The following TM6SF1 variants were observed in gnomAD, a reference collection of about 807,000 sequenced individuals.
The protein encoded by TM6SF1 is transmembrane 6 superfamily member 1.
A neutral mutation model predicts 47.1 loss-of-function variants in TM6SF1; 43 were observed. The ratio of observed to expected loss-of-function variants is 0.91; its 90% confidence interval spans 0.72 to 1.18. The LOEUF (loss-of-function observed/expected upper bound fraction) is 1.18. Among genes scored for constraint, TM6SF1 ranks in the 50% most tolerant of loss-of-function variants. The pLI, the probability that TM6SF1 is intolerant of heterozygous loss-of-function variation, is 0.00. For synonymous variants in TM6SF1, 177 were observed against 166.3 expected, an observed-to-expected ratio of 1.06 and a Z score of -0.49; for missense variants, 390 against 449.0, an observed-to-expected ratio of 0.87 and a Z score of 1.19.
At position 83,127,424 on chromosome 15, in the gene TM6SF1, G is replaced by A. The variant is rs1329895310; in HGVS notation, c.868G>A (p.Gly290Arg). The change falls in exon 9 of 10, where the codon GGA becomes AGA. Residue 290 changes from glycine to arginine, a missense_variant. Physicochemically the swap from Gly to Arg is moderately radical, Grantham distance 125 (BLOSUM62 -2). Coordinates refer to ENST00000322019, the MANE Select transcript of TM6SF1 (RefSeq NM_023003.5). ...TGCACTGTATGGCTTAGTGGTTCCT[G>A]GATGTTCCTGGATGCCTGACATCAC... ...VTALYGLVVP[G>R]CSWMPDITLI... The A allele has an allele frequency of 3.7e-6, 6 of 1,613,844 alleles. No individual in the cohort carries two copies. The highest frequency in any genetic ancestry group is 2.7e-5 in the African/African-American group (2 of 74,878).
chr15:83,129,450 C>T (rs2036049604), intron 9 of TM6SF1: 2 of 152,250 alleles, frequency 1.3e-5, no homozygotes, highest in Non-Finnish European at 1.5e-5. Flanking sequence ...GAATAAACAG[C>T]ACAATGGACA....
At position 83,117,411 on chromosome 15, in the gene TM6SF1, G is replaced by A. The variant is rs147940226; in HGVS notation, c.294+1469G>A. Among the ~76,000 whole-genome samples, 13 of 152,236 alleles carry A rather than the reference G, an allele frequency of 8.5e-5. No individual in the cohort carries two copies. In the East Asian group the frequency reaches 2.5e-3, roughly 29 times the overall value. ...GTACCTGAATGTCTGAGAGGAGAAG[G>A]GCTTGCCTATGAGAAGGTAGAGAGA... On this transcript the variant is annotated intron_variant, in intron 3 of 9. Coordinates refer to ENST00000322019, the MANE Select transcript of TM6SF1 (RefSeq NM_023003.5).
intron 7 of TM6SF1, among the ~76,000 whole-genome samples, chr15:83,126,080 A>G (rs914437353): frequency 1.3e-5 from 2 of 152,154 alleles, no homozygotes; most frequent in African/African-American, 4.8e-5. Context: ...AAATGTGTGC[A>G]TGTGTGGGGG....
intron 4 of TM6SF1, 200 bp downstream of exon 4, chr15:83,119,881 CA>C: frequency 2.9e-6 from 2 of 690,152 alleles, no homozygotes; most frequent in Non-Finnish European, 2.3e-6. Context: ...TGCTCCCTAG[CA>C]TGGTGACAGC....
intron 9 of TM6SF1, chr15:83,134,892 G>C (rs2036510038): frequency 6.6e-6 from 1 of 152,228 alleles, no homozygotes; most frequent in African/African-American, 2.4e-5. Context: ...AGAGTTCCTA[G>C]AATGTCCAGA....
chr15:83,119,937 A>C (rs2035064277), intron 4 of TM6SF1: 1 of 391,320 alleles, frequency 2.6e-6, no homozygotes, highest in African/African-American at 2.0e-5. Context: ...TCTTACAAGA[A>C]TAATTTTTAT....
intron 8 of TM6SF1, 116 bp from the exon 9 acceptor site, chr15:83,127,242 T>A (rs2035853893): frequency 1.9e-6 from 2 of 1,046,578 alleles, no homozygotes; most frequent in South Asian, 2.4e-5. Flanking sequence ...AAGAGTCCCA[T>A]ATAGGAAATA....
chr15:83,125,916 T>TA (rs2035709916), intron 7 of TM6SF1, among the ~76,000 whole-genome samples: 1 of 152,194 alleles, frequency 6.6e-6, no homozygotes, highest in African/African-American at 2.4e-5. Flanking sequence ...GGAAGAGAAG[T>TA]AAAGAAGGCA....
chr15:83,126,886 A>G (rs1279508748), intron 8 of TM6SF1, 39 bp downstream of exon 8: 1 of 1,541,950 alleles, frequency 6.5e-7, no homozygotes, highest in East Asian at 2.3e-5. Context: ...TCTAAAATTA[A>G]TTTTCTTTTT....
In TM6SF1 at chr15:83,136,628, C is replaced by T. The variant is rs1192466826; in HGVS notation, c.1069C>T (p.Pro357Ser). ...QLLAYRCIYK[P>S]EFFIKTKAEE... ...CTTGGCCTATCGTTGTATCTACAAA[C>T]CAGAGTTCTTCATAAAAACAAAGGC... Residue 357 changes from proline (P) to serine (S), a missense_variant, in exon 10 of 10, where the codon CCA becomes TCA. By Grantham distance (74) the Pro-to-Ser change is moderately conservative (BLOSUM62 -1). Transcript: ENST00000322019. 4 of 1,607,260 alleles carry T rather than the reference C, an allele frequency of 2.5e-6. No individual in the cohort carries two copies. In the East Asian group the frequency reaches 8.9e-5, roughly 36 times the overall value.
intron 3 of TM6SF1, among the ~76,000 whole-genome samples, chr15:83,117,027 TGA>T (rs2151347843): frequency 6.6e-6 from 1 of 152,188 alleles, no homozygotes; most frequent in East Asian, 1.9e-4. Context: ...CCAGGCACAG[TGA>T]GAGACTCACT....
rs866419524 is a variant in TM6SF1, at chr15:83,136,367, G to A, written c.922-114G>A. ...GTTTGAAGGTATTTTGCCTGCAGGTGAGACTGGTTTTGAGGGCACAGAAAC... is the reference window on the plus strand; with the variant it reads ...GTTTGAAGGTATTTTGCCTGCAGGTAAGACTGGTTTTGAGGGCACAGAAAC... On this transcript the variant is annotated intron_variant, in intron 9 of 9. Coordinates refer to ENST00000322019, the MANE Select transcript of TM6SF1 (RefSeq NM_023003.5). The A allele has an allele frequency of 2.7e-5, 21 of 782,040 alleles. No individual in the cohort carries two copies. In the Admixed American group the frequency reaches 4.0e-4, roughly 15 times the overall value. The allele number at this position is 782,040 out of a possible 1,614,324, so 48.4% of individuals were successfully genotyped here. A position where few individuals can be genotyped will look rare whatever the true frequency, so the allele number is the denominator to read the frequency against.
chr15:83,133,213 C>T (rs2036373703), intron 9 of TM6SF1: 1 of 152,198 alleles, frequency 6.6e-6, no homozygotes, highest in South Asian at 2.1e-4. Flanking sequence ...GCTCAGAAAA[C>T]TCTAAGAAAA....
At chr15:83,120,585 TTC>T (rs1325252976) in intron 4 of TM6SF1, among the ~76,000 whole-genome samples, 5 of 150,544 alleles carry the variant, frequency 3.3e-5, no homozygotes, top group East Asian at 3.9e-4. Context: ...CTCCAGCTAA[TTC>T]TTTTTTTTTT....
In TM6SF1 at chr15:83,107,903, G is replaced by A. The variant is rs573937991; in HGVS notation, c.92+131G>A. 31 of 1,311,530 alleles carry A rather than the reference G, an allele frequency of 2.4e-5. No homozygotes were observed. In the Admixed American group the frequency reaches 6.5e-4, roughly 27 times the overall value. The allele number at this position is 1,311,530 out of a possible 1,614,324, so 81.2% of individuals were successfully genotyped here. ...GGGACAGAGGTTCGTGGCCGCAGGG[G>A]CTCCCCGCGCCTGGCCAGACTAGGG... On this transcript the variant is annotated intron_variant, in intron 1 of 9. Coordinates refer to ENST00000322019, the MANE Select transcript of TM6SF1 (RefSeq NM_023003.5). The surrounding 1 kb of genome is among the most constrained non-coding windows in gnomAD (Gnocchi z 5.6).
At chr15:83,118,961 C>G (rs1703558880) in intron 3 of TM6SF1, among the ~76,000 whole-genome samples, 1 of 152,124 alleles carries the variant, frequency 6.6e-6, no homozygotes, top group African/African-American at 2.4e-5. Context: ...GCTACGTGAC[C>G]TTAGGAAAGT....
intron 4 of TM6SF1, chr15:83,120,023 G>A (rs764447233): frequency 3.3e-5 from 8 of 240,514 alleles, no homozygotes; most frequent in South Asian, 6.0e-5. Context: ...ATCTCATTTC[G>A]GTTCAAAGCT....
chr15:83,135,433 A>G (rs1164607310), intron 9 of TM6SF1: 1 of 152,174 alleles, frequency 6.6e-6, no homozygotes, highest in Non-Finnish European at 1.5e-5. Flanking sequence ...GATCCTGATG[A>G]ACTGATAATT....
At chr15:83,122,052 G>A in intron 5 of TM6SF1, 49 bp downstream of exon 5, 1 of 1,423,224 alleles carries the variant, frequency 7.0e-7, no homozygotes, top group Non-Finnish European at 9.8e-7. Context: ...AAACAATGGG[G>A]CTTGTTTTTA....
Sources: gnomAD v4.1 joint callset for allele counts (sites outside exome capture counted in the v4.1 genomes callset) on GRCh38, gnomAD v4.1.1 for gene constraint, Gnocchi (gnomAD v3.1) non-coding constraint, MANE v1.5 for transcripts, NCBI Gene and HGNC (gene_info 2026-07-23, HGNC 2026-07-21) for gene names.